PHF20: variants seen among roughly 807,000 people sequenced by gnomAD.
PHF20 encodes PHD finger protein 20.
In PHF20, 23 loss-of-function variants were observed where a neutral mutation model predicts 113.5. The ratio of observed to expected loss-of-function variants is 0.20; its 90% CI spans 0.15 to 0.29. The LOEUF (loss-of-function observed/expected upper bound fraction) is 0.29, where lower values mean the gene tolerates loss of function less well. Among genes scored for constraint, PHF20 ranks in the 10% least tolerant of loss-of-function variants. The pLI is 1.00. For synonymous variants in PHF20, 434 were observed against 457.3 expected (o/e 0.95, Z 0.65); for missense variants, 943 against 1,219.6 (o/e 0.77, Z 3.38).
At chr20:35,784,433 CTTT>C (rs35002007) in intron 1 of PHF20, among the ~76,000 whole-genome samples, 1 of 110,504 alleles carries the variant, frequency 9.0e-6, no homozygotes, top group Non-Finnish European at 1.7e-5. Context: ...ATCCCAAAGA[CTTT>C]TTTTTTTTTT....
chr20:35,836,844 C>CAAAAA (rs36116121), intron 2 of PHF20, among the ~76,000 whole-genome samples: 6 of 70,742 alleles, frequency 8.5e-5, no homozygotes, highest in Non-Finnish European at 1.5e-4. Flanking sequence ...GACTCCGTCT[C>CAAAAA]AAAAAAAAAA....
At chr20:35,917,320 C>T (rs2055422507) in intron 12 of PHF20, 164 bp from the exon 13 acceptor site, 1 of 733,778 alleles carries the variant, frequency 1.4e-6, no homozygotes, top group Admixed American at 2.0e-5. Flanking sequence ...TGGGCTGTTA[C>T]TAAATGACAG....
chr20:35,820,604 A>G (rs951754089), intron 2 of PHF20, among the ~76,000 whole-genome samples: 7 of 151,908 alleles, frequency 4.6e-5, no homozygotes, highest in Non-Finnish European at 1.5e-5. Context: ...GCCTGCCACC[A>G]TGCCCGGCTA....
At chr20:35,940,205 T>C (rs1325367285) in intron 16 of PHF20, among the ~76,000 whole-genome samples, 6 of 152,082 alleles carry the variant, frequency 3.9e-5, no homozygotes, top group Non-Finnish European at 8.8e-5. Context: ...AAAGGTTGAG[T>C]TACCAAATCC....
At position 35,839,407 on chromosome 20, in the gene PHF20, A is replaced by AG. The variant is rs1208444646; in HGVS notation, c.84-3166_84-3165insG. On this transcript the variant is annotated intron_variant, in intron 2 of 17. Transcript: ENST00000374012. ...TTCCATCTCAAAAAAAAAAAAAAAA[A>AG]AAAAGAAAGTGGTTTGAATAGGAAT... is the stretch of plus-strand genomic sequence containing the variant. Among the ~76,000 whole-genome samples, 69 of 150,580 alleles carry AG rather than the reference A, an allele frequency of 4.6e-4. 1 individual carries two copies. Among genetic ancestry groups the AG allele is most frequent in the Non-Finnish European group, 7.8e-4 (53 of 67,580 alleles).
rs75413443 is a variant in PHF20 at position 35,827,132 on chromosome 20, G to A, written c.84-15441G>A. Among the ~76,000 whole-genome samples, 5 of 151,714 alleles carry A rather than the reference G, an allele frequency of 3.3e-5. No homozygotes were observed. The East Asian group carries it at 5.8e-4, about 18-fold the overall frequency. ...TAGAGGCAAGCTCTGATTTTTTTTCGCTCTTGTCGCCCAGGCTGGAGTGCA... is the reference window on the plus strand; with the variant it reads ...TAGAGGCAAGCTCTGATTTTTTTTCACTCTTGTCGCCCAGGCTGGAGTGCA... On this transcript the variant is annotated intron_variant, in intron 2 of 17. Transcript: ENST00000374012.
At chr20:35,879,863 C>T (rs766277690) in intron 9 of PHF20, among the ~76,000 whole-genome samples, 5 of 150,990 alleles carry the variant, frequency 3.3e-5, no homozygotes, top group East Asian at 3.9e-4. Flanking sequence ...GTGGCATGTG[C>T]GTGTAATCCC....
chr20:35,787,978 A>G (rs1439218257), intron 1 of PHF20, among the ~76,000 whole-genome samples: 1 of 151,222 alleles, frequency 6.6e-6, no homozygotes, highest in Non-Finnish European at 1.5e-5. Flanking sequence ...GGGTTTCACC[A>G]TTTTGGCCAG....
chr20:35,944,627 A>G (rs2056053322), intron 17 of PHF20, among the ~76,000 whole-genome samples: 1 of 151,966 alleles, frequency 6.6e-6, no homozygotes, highest in Non-Finnish European at 1.5e-5. Flanking sequence ...GCTGGAGTAC[A>G]GTGGCATGAT....
chr20:35,941,132 G>GC (rs2055971203), intron 17 of PHF20, 85 bp downstream of exon 17: 9 of 1,086,832 alleles, frequency 8.3e-6, no homozygotes, highest in African/African-American at 1.6e-5. Flanking sequence ...CCCAGTCTGA[G>GC]TTTACAGGGA....
intron 9 of PHF20, among the ~76,000 whole-genome samples, chr20:35,887,441 G>T (rs757380112): frequency 5.9e-5 from 9 of 152,140 alleles, no homozygotes; most frequent in Non-Finnish European, 1.0e-4. Flanking sequence ...ATGGTTGGCG[G>T]CATTCAGTCC....
chr20:35,840,053 G>T lies in PHF20; in HGVS notation c.84-2520G>T, dbSNP rs182243276. Among the ~76,000 whole-genome samples the T allele has an allele frequency of 3.1e-3, 466 of 152,260 alleles. 4 individuals are homozygous for T. Among genetic ancestry groups the T allele is most frequent in the Non-Finnish European group, 4.4e-3 (299 of 68,032 alleles). On this transcript the variant is annotated intron_variant, in intron 2 of 17. Coordinates refer to ENST00000374012, the MANE Select transcript of PHF20 (RefSeq NM_016436.5). Reference sequence around the variant, plus strand: ...ACAGTATACAGACACAAGAAAGCAGGCCTGTTCATTTAGGTAGGTAGCATG... The same window carrying T: ...ACAGTATACAGACACAAGAAAGCAGTCCTGTTCATTTAGGTAGGTAGCATG...
intron 5 of PHF20, among the ~76,000 whole-genome samples, chr20:35,862,349 G>A (rs2054232689): frequency 6.6e-6 from 1 of 152,208 alleles, no homozygotes; most frequent in Non-Finnish European, 1.5e-5. Flanking sequence ...CCTCTGAAAA[G>A]CTCTGGGTCA....
chr20:35,897,858 C>T lies in PHF20; in HGVS notation c.1283-1512C>T, dbSNP rs555635369. On this transcript the variant is annotated intron_variant, in intron 9 of 17. Transcript: ENST00000374012. ...CTGGGATTACAGGTGTGAGCCACCA[C>T]GCCCGGTGTTTTTTTTTTGTTTTGT... 1.8e-3 allele frequency among the ~76,000 whole-genome samples: 276 copies of T among 150,964 alleles called. 1 individual carries two copies. Among genetic ancestry groups the T allele is most frequent in the African/African-American group, 6.6e-3 (270 of 41,128 alleles).
chr20:35,829,247 T>C (rs894681371), intron 2 of PHF20, among the ~76,000 whole-genome samples: 4 of 152,234 alleles, frequency 2.6e-5, no homozygotes, highest in Non-Finnish European at 5.9e-5. Flanking sequence ...TAAAATTTAG[T>C]ATTTTAATCA....
intron 3 of PHF20, among the ~76,000 whole-genome samples, chr20:35,846,723 C>T (rs944782907): frequency 6.6e-6 from 1 of 152,080 alleles, no homozygotes; most frequent in African/African-American, 2.4e-5. Context: ...CTGTGCCTGC[C>T]CAGACCTCTT....
Position 35,844,403 on chromosome 20 carries a change from GTT to G in PHF20, c.255+1670_255+1671del, listed in dbSNP as rs1350190525. ...AGGTGTGAGCCACCGCGCCCAGCCG[GTT>G]TTTTTTTTTTGGTTTTTTTTTTTTT... On this transcript the variant is annotated intron_variant, in intron 3 of 17. Transcript: ENST00000374012. 2.6e-4 allele frequency among the ~76,000 whole-genome samples: 35 copies of G among 135,070 alleles called. No individual in the cohort carries two copies. In the East Asian group the frequency reaches 7.1e-3, roughly 27 times the overall value. 88.6% of individuals were successfully genotyped at this position (135,070 alleles called of 152,430 possible). A position where few individuals can be genotyped will look rare whatever the true frequency, so the allele number is the denominator to read the frequency against.
intron 15 of PHF20, among the ~76,000 whole-genome samples, chr20:35,937,855 T>TG (rs2055894573): frequency 6.6e-6 from 1 of 152,086 alleles, no homozygotes; most frequent in South Asian, 2.1e-4. Flanking sequence ...ATTTTAATGT[T>TG]TTGTTGTTGT....
At chr20:35,931,930 A>G (rs554312555) in intron 15 of PHF20, among the ~76,000 whole-genome samples, 7 of 152,070 alleles carry the variant, frequency 4.6e-5, no homozygotes, top group Admixed American at 2.0e-4. Flanking sequence ...CAGCCTGGGC[A>G]ATAAGAGCGA....
Sources: allele counts gnomAD v4.1 joint callset (sites outside exome capture counted in the v4.1 genomes callset), GRCh38; gene constraint gnomAD v4.1.1; transcripts MANE v1.5; gene names NCBI Gene and HGNC (gene_info 2026-07-23, HGNC 2026-07-21).